EXT2: variants seen among roughly 807,000 people sequenced by gnomAD.
EXT2 encodes exostosin-2.
A neutral mutation model predicts 81.6 loss-of-function variants in EXT2; 53 were observed. That is an observed-to-expected ratio of 0.65 (90% CI 0.52 to 0.82). The LOEUF is 0.82. Ranked by LOEUF, EXT2 falls within the 40% of genes least tolerant of loss-of-function variation. The probability of loss-of-function intolerance (pLI) is 0.00; values close to 1 mark genes in which losing one functional copy is unlikely to be tolerated. For synonymous variants in EXT2, 320 were observed against 340.0 expected (o/e 0.94, Z 0.65); for missense variants, 774 against 910.2 (o/e 0.85, Z 1.93).
intron 7 of EXT2, among the ~76,000 whole-genome samples, chr11:44,162,349 G>T (rs1204631508): frequency 6.6e-6 from 1 of 152,172 alleles, no homozygotes; most frequent in South Asian, 2.1e-4. Context: ...GCCGAGGCAG[G>T]CAGGTCACCT....
At chr11:44,204,193 A>G (rs1484714281) in intron 9 of EXT2, among the ~76,000 whole-genome samples, 1 of 152,146 alleles carries the variant, frequency 6.6e-6, no homozygotes, top group Non-Finnish European at 1.5e-5. Context: ...TATTTTCATA[A>G]TCACTCTGAG....
chr11:44,213,585 T>C (rs1174548197), intron 10 of EXT2, among the ~76,000 whole-genome samples: 3 of 152,122 alleles, frequency 2.0e-5, no homozygotes, highest in Non-Finnish European at 2.9e-5. Context: ...ATACCTAAAA[T>C]TGAAAACTCA....
intron 7 of EXT2, among the ~76,000 whole-genome samples, chr11:44,164,338 G>A (rs530093419): frequency 1.4e-4 from 21 of 152,142 alleles, no homozygotes; most frequent in African/African-American, 5.1e-4. Flanking sequence ...TCATCTTTGA[G>A]TTAGGTTCTG....
intron 7 of EXT2, among the ~76,000 whole-genome samples, chr11:44,165,853 G>A (rs1370903186): frequency 2.0e-5 from 3 of 152,030 alleles, no homozygotes; most frequent in African/African-American, 4.8e-5. Flanking sequence ...AACTTGCTAT[G>A]TGCTGGTGCT....
intron 4 of EXT2, among the ~76,000 whole-genome samples, chr11:44,124,024 G>A (rs945787538): frequency 5.9e-5 from 9 of 151,716 alleles, no homozygotes; most frequent in African/African-American, 2.2e-4. Flanking sequence ...TACTAACTTT[G>A]TGTTTCCATA....
intron 9 of EXT2, among the ~76,000 whole-genome samples, chr11:44,198,792 A>T (rs927242600): frequency 7.9e-5 from 12 of 152,184 alleles, no homozygotes; most frequent in African/African-American, 2.9e-4. Context: ...GATAAGGTCT[A>T]GTTTATTGCC....
intron 8 of EXT2, among the ~76,000 whole-genome samples, chr11:44,184,137 T>C (rs1489835682): frequency 6.6e-6 from 1 of 152,208 alleles, no homozygotes; most frequent in Non-Finnish European, 1.5e-5. Flanking sequence ...GATAATTCAT[T>C]GAAACCCCAA....
At chr11:44,205,056 C>G (rs1279976980) in intron 9 of EXT2, among the ~76,000 whole-genome samples, 1 of 152,104 alleles carries the variant, frequency 6.6e-6, no homozygotes, top group East Asian at 1.9e-4. Context: ...CCTTTTTGGT[C>G]TTTTAATGCT....
chr11:44,139,886 A>G (rs189566052), intron 7 of EXT2, among the ~76,000 whole-genome samples: 1 of 152,218 alleles, frequency 6.6e-6, no homozygotes, highest in East Asian at 1.9e-4. Flanking sequence ...TGAGTCCAGG[A>G]GCTCAGGCAG....
At chr11:44,190,360 A>G (rs1315061622) in intron 8 of EXT2, among the ~76,000 whole-genome samples, 1 of 152,230 alleles carries the variant, frequency 6.6e-6, no homozygotes, top group Non-Finnish European at 1.5e-5. Context: ...TGATAACTTC[A>G]AAACAACCAA....
chr11:44,126,841 G>T lies in EXT2; in HGVS notation c.965G>T (p.Arg322Leu), dbSNP rs149727518. 6.2e-7 allele frequency: 1 copy of T among 1,614,156 alleles called. No homozygotes were observed. Among genetic ancestry groups the T allele is most frequent in the Non-Finnish European group, 8.5e-7 (1 of 1,180,030 alleles). The change falls in exon 6 of 14, where the codon CGT becomes CTT. Residue 322 changes from arginine to leucine, a missense_variant. This residue lies in a region of EXT2 where 626 missense variants were observed against 670.5 expected (regional missense o/e 0.93). Coordinates refer to ENST00000533608, the MANE Select transcript of EXT2 (RefSeq NM_207122.2). The stretch of plus-strand genomic sequence containing the variant: ...GAGGCTACTTTCTGTGTGGTTCTTC[G>T]TGGAGCTCGGCTGGGCCAGGCAGTA... ...LQEATFCVVL[R>L]GARLGQAVLS...
At position 44,221,082 on chromosome 11, in the gene EXT2, A is replaced by G. The variant is rs550062609; in HGVS notation, c.1663-11271A>G. ...TATATAGCCATTAATGAAACATCCA[A>G]TGTAGAACTAGCAGCCTCCCTGCCC... On this transcript the variant is annotated intron_variant, in intron 10 of 13. Transcript: ENST00000533608. 1.5e-3 allele frequency among the ~76,000 whole-genome samples: 231 copies of G among 152,290 alleles called. 1 individual carries two copies. The highest frequency in any genetic ancestry group is 1.9e-3 in the Non-Finnish European group (127 of 68,000).
intron 7 of EXT2, among the ~76,000 whole-genome samples, chr11:44,139,949 T>C (rs1954623089): frequency 6.6e-6 from 1 of 151,940 alleles, no homozygotes; most frequent in South Asian, 2.1e-4. Context: ...GCAGAAGGGA[T>C]TGGGTGGTGG....
chr11:44,224,761 A>G (rs144521258), intron 10 of EXT2, among the ~76,000 whole-genome samples: 1 of 152,336 alleles, frequency 6.6e-6, no homozygotes, highest in South Asian at 2.1e-4. Flanking sequence ...ACTGCAAGTG[A>G]TGGAAGTCAG....
intron 1 of EXT2, among the ~76,000 whole-genome samples, chr11:44,103,355 G>A (rs996828875): frequency 1.3e-5 from 2 of 152,000 alleles, no homozygotes; most frequent in East Asian, 1.9e-4. Context: ...TTATCCCATC[G>A]GCTTCTACAT....
chr11:44,211,614 G>A (rs1246257204), intron 10 of EXT2, among the ~76,000 whole-genome samples: 1 of 152,220 alleles, frequency 6.6e-6, no homozygotes, highest in Non-Finnish European at 1.5e-5. Flanking sequence ...GTTACCAGAG[G>A]TTGGAGAGAA....
At position 44,130,035 on chromosome 11, in the gene EXT2, T is replaced by C. The variant is rs1954468637; in HGVS notation, c.1080-10T>C. The stretch of plus-strand genomic sequence containing the variant: ...TGTGTGTATGTAAACTGTTTTGCTG[T>C]TGTCTCCAGAGCATCTGTGGTTGTA... On this transcript the variant is annotated splice_polypyrimidine_tract_variant and intron_variant, in intron 6 of 13. Coordinates refer to ENST00000533608, the MANE Select transcript of EXT2 (RefSeq NM_207122.2). 6.2e-7 allele frequency: 1 copy of C among 1,610,754 alleles called. No individual in the cohort carries two copies. The highest frequency in any genetic ancestry group is 1.3e-5 in the African/African-American group (1 of 74,980).
chr11:44,127,565 CTG>C (rs1954426553), intron 6 of EXT2, among the ~76,000 whole-genome samples: 1 of 152,226 alleles, frequency 6.6e-6, no homozygotes, highest in South Asian at 2.1e-4. Context: ...CAAACCCAGT[CTG>C]TGGAAAAATT....
chr11:44,153,679 A>AG (rs1240607988), intron 7 of EXT2, among the ~76,000 whole-genome samples: 12 of 151,994 alleles, frequency 7.9e-5, no homozygotes, highest in African/African-American at 2.7e-4. Context: ...AACTAGAGGA[A>AG]ATTTCCTTCT....
Sources: allele counts gnomAD v4.1 joint callset (sites outside exome capture counted in the v4.1 genomes callset), GRCh38; gene constraint gnomAD v4.1.1; regional missense constraint gnomAD v4.1.1; transcripts MANE v1.5; gene names NCBI Gene and HGNC (gene_info 2026-07-23, HGNC 2026-07-21).